Variants in TENM3 observed in about 807,000 individuals in gnomAD.
TENM3 encodes teneurin-3.
A neutral mutation model predicts 255.1 loss-of-function variants in TENM3; 63 were observed. That is an observed-to-expected ratio of 0.25 (90% CI 0.20 to 0.30). TENM3 has a LOEUF of 0.30. TENM3 is among the 10% of genes least tolerant of loss of function. TENM3 has a pLI of 1.00. For missense variants in TENM3, 2,929 were observed against 3,461.1 expected, an observed-to-expected ratio of 0.85 and a Z score of 3.86; for synonymous variants, 1,306 against 1,322.3, an observed-to-expected ratio of 0.99 and a Z score of 0.27.
chr4:181,464,983 A>AT, the TENM3 span, among the ~76,000 whole-genome samples: 335 of 152,144 alleles, frequency 2.2e-3, 1 homozygote, highest in African/African-American at 7.8e-3. Context: ...CAATTTATCT[A>AT]TTTTTTGTCA....
At chr4:182,598,413 T>C (rs981261931) in intron 3 of TENM3, among the ~76,000 whole-genome samples, 1 of 152,178 alleles carries the variant, frequency 6.6e-6, no homozygotes. Flanking sequence ...CCTCGTGTGG[T>C]GTCTTGTACG....
At chr4:181,564,028 CTTTTCTTTTTTCTT>C in the TENM3 span, among the ~76,000 whole-genome samples, 2 of 94,712 alleles carry the variant, frequency 2.1e-5, no homozygotes, top group African/African-American at 8.4e-5. Context: ...CTTTTCTTTT[CTTTTCTTTTTTCTT>C]TTTTTTTTTT....
At chr4:181,874,075 G>A in the TENM3 span, among the ~76,000 whole-genome samples, 1 of 151,666 alleles carries the variant, frequency 6.6e-6, no homozygotes, top group Non-Finnish European at 1.5e-5. Flanking sequence ...GAGCCACCGA[G>A]CCCAGCCTAA....
At chr4:181,458,328 A>T in the TENM3 span, among the ~76,000 whole-genome samples, 3 of 151,946 alleles carry the variant, frequency 2.0e-5, no homozygotes, top group Non-Finnish European at 2.9e-5. Context: ...TAGAACAGTG[A>T]ATCAGTGTAG....
intron 5 of TENM3, among the ~76,000 whole-genome samples, chr4:182,636,490 A>G (rs574297569): frequency 1.3e-5 from 2 of 152,206 alleles, no homozygotes; most frequent in East Asian, 3.9e-4. Flanking sequence ...TAATCCCAGC[A>G]CTTTGGGAGG....
At chr4:182,323,196 C>G (rs1322134790) in intron 1 of TENM3, among the ~76,000 whole-genome samples, 1 of 152,066 alleles carries the variant, frequency 6.6e-6, no homozygotes, top group Non-Finnish European at 1.5e-5. Context: ...CCATTTGCCT[C>G]GCTTATTCGT....
At chr4:181,660,069 G>C in the TENM3 span, among the ~76,000 whole-genome samples, 1 of 152,104 alleles carries the variant, frequency 6.6e-6, no homozygotes, top group Non-Finnish European at 1.5e-5. Flanking sequence ...AAAATGTAGC[G>C]AGACAACCTT....
the TENM3 span, among the ~76,000 whole-genome samples, chr4:181,519,617 T>C: frequency 1.3e-5 from 2 of 151,926 alleles, no homozygotes; most frequent in Non-Finnish European, 2.9e-5. Context: ...GAGATTGTGA[T>C]GTGATATTGA....
the TENM3 span, among the ~76,000 whole-genome samples, chr4:181,490,210 C>T: frequency 2.6e-5 from 4 of 152,154 alleles, no homozygotes; most frequent in African/African-American, 9.7e-5. Context: ...ATATATAACA[C>T]ATTATTAACT....
chr4:181,466,117 T>G, the TENM3 span, among the ~76,000 whole-genome samples: 46 of 12,758 alleles, frequency 3.6e-3, no homozygotes, highest in South Asian at 0.017. Flanking sequence ...GGAATTTTTT[T>G]TTTTGTTTTG....
intron 3 of TENM3, among the ~76,000 whole-genome samples, chr4:182,525,589 A>G (rs541189043): frequency 6.6e-5 from 10 of 152,360 alleles, no homozygotes; most frequent in East Asian, 5.8e-4. Flanking sequence ...TAATGCTGCT[A>G]TAGAGTTGTC....
At chr4:181,634,837 A>G in the TENM3 span, among the ~76,000 whole-genome samples, 136 of 152,220 alleles carry the variant, frequency 8.9e-4, no homozygotes, top group African/African-American at 3.2e-3. Flanking sequence ...TTTTCACAGC[A>G]TTTTTCATTT....
chr4:182,213,450 C>A (rs1235551977), intron 1 of TENM3, among the ~76,000 whole-genome samples: 1 of 152,146 alleles, frequency 6.6e-6, no homozygotes, highest in Non-Finnish European at 1.5e-5. Flanking sequence ...AACCATCATA[C>A]CCCAAAAGGT....
chr4:181,786,880 A>T, the TENM3 span, among the ~76,000 whole-genome samples: 1 of 152,084 alleles, frequency 6.6e-6, no homozygotes, highest in Non-Finnish European at 1.5e-5. Flanking sequence ...CTGAGCCCCA[A>T]CAGAACCTTG....
the TENM3 span, among the ~76,000 whole-genome samples, chr4:181,947,129 A>T: frequency 6.6e-6 from 1 of 152,198 alleles, no homozygotes; most frequent in Admixed American, 6.5e-5. Flanking sequence ...CTCAGTGCCT[A>T]CTGTGAGTCA....
intron 6 of TENM3, among the ~76,000 whole-genome samples, chr4:182,671,974 T>C (rs1578942): frequency 0.26 from 39,895 of 152,034 alleles, 5,562 homozygotes; most frequent in Admixed American, 0.42. Context: ...CCTCACCCTC[T>C]TGTTGTTATC....
At chr4:182,165,269 C>A (rs771000487) in intron 1 of TENM3, among the ~76,000 whole-genome samples, 3 of 152,168 alleles carry the variant, frequency 2.0e-5, no homozygotes, top group Non-Finnish European at 4.4e-5. Flanking sequence ...TTTCGGAGTT[C>A]CATTCCAGCT....
chr4:181,483,816 G>T, the TENM3 span, among the ~76,000 whole-genome samples: 9 of 152,102 alleles, frequency 5.9e-5, no homozygotes, highest in Admixed American at 6.6e-5. Flanking sequence ...TGCGGTAATT[G>T]TGTGTTACAA....
the TENM3 span, among the ~76,000 whole-genome samples, chr4:181,582,358 T>C: frequency 1.3e-5 from 2 of 152,176 alleles, no homozygotes; most frequent in African/African-American, 4.8e-5. Context: ...TCTCCCACTC[T>C]GTCTCTGGAA....
Sources: gnomAD v4.1 joint callset for allele counts (sites outside exome capture counted in the v4.1 genomes callset) on GRCh38, gnomAD v4.1.1 for gene constraint, MANE v1.5 for transcripts, NCBI Gene and HGNC (gene_info 2026-07-23, HGNC 2026-07-21) for gene names.